Variants in SCARA5 observed in about 807,000 individuals in gnomAD.
SCARA5 encodes scavenger receptor class A, member 5 (putative).
Under a neutral mutation model 46.3 loss-of-function variants are expected in SCARA5, and 45 were observed. The ratio of observed to expected loss-of-function variants is 0.97; its 90% CI spans 0.76 to 1.24. The LOEUF (loss-of-function observed/expected upper bound fraction) is 1.24. SCARA5 is among the 50% of genes most tolerant of loss of function. SCARA5 has a pLI of 0.00. For synonymous variants in SCARA5, 333 were observed against 306.5 expected, an observed-to-expected ratio of 1.09 and a Z score of -0.90; for missense variants, 680 against 689.0, an observed-to-expected ratio of 0.99 and a Z score of 0.15.
intron 3 of SCARA5, 146 bp from the exon 4 acceptor site, chr8:27,922,391 T>C: frequency 3.6e-6 from 2 of 560,704 alleles, no homozygotes; most frequent in Non-Finnish European, 6.0e-6. Flanking sequence ...GCTGAGCGCT[T>C]TACTAGATCC....
rs536688028 is a variant in SCARA5, at chr8:27,909,548, C to A, written c.997+115G>T. 4.0e-5 allele frequency: 27 copies of A among 676,788 alleles called. No individual in the cohort carries two copies. In the South Asian group the frequency reaches 5.3e-4, roughly 13 times the overall value. The allele number at this position is 676,788 out of a possible 1,614,324, so 41.9% of individuals were successfully genotyped here. On this transcript the variant is annotated intron_variant, in intron 5 of 8. Coordinates refer to ENST00000354914, the MANE Select transcript of SCARA5 (RefSeq NM_173833.6). ...TCTTGTTGGAACAGAGCGTTTGAGGCGGAGTTGATTGGGCACTCCCCTGGG... is the reference window on the plus strand; with the variant it reads ...TCTTGTTGGAACAGAGCGTTTGAGGAGGAGTTGATTGGGCACTCCCCTGGG...
chr8:27,893,234 C>G (rs2129712183), intron 7 of SCARA5, among the ~76,000 whole-genome samples: 1 of 152,242 alleles, frequency 6.6e-6, no homozygotes, highest in South Asian at 2.1e-4. Flanking sequence ...ATATTAGGAC[C>G]AGGGCATCCG....
Position 27,922,101 on chromosome 8 carries a change from T to A in SCARA5, c.386A>T (p.Gln129Leu). The A allele has an allele frequency of 6.2e-7, 1 of 1,604,378 alleles. No individual in the cohort carries two copies. The highest frequency in any genetic ancestry group is 1.7e-5 in the Admixed American group (1 of 58,804). Residue 129 changes from glutamine (Q) to leucine (L), a missense_variant, in exon 4 of 9, where the codon CAG becomes CTG. Gln to Leu is a moderately radical substitution (Grantham distance 113). Around this residue, in one of 3 missense-constraint regions of SCARA5, gnomAD observed 438 missense variants for 384.5 expected, o/e 1.14. Transcript: ENST00000354914. ...ADLTEQVWKV[Q>L]DALQNQSDSL... ...GTCTGACTGGTTCTGCAGCGCGTCC[T>A]GCACCTTCCACACCTGCTCCGTCAG...
chr8:27,887,109 G>A (rs1490158651), intron 7 of SCARA5, among the ~76,000 whole-genome samples: 1 of 152,216 alleles, frequency 6.6e-6, no homozygotes, highest in Non-Finnish European at 1.5e-5. Flanking sequence ...GGGCAAGAGA[G>A]CTGGTGATGA....
chr8:27,906,463 G>C lies in SCARA5; in HGVS notation c.1096+685C>G, dbSNP rs149171705. Among the ~76,000 whole-genome samples, 370 of 152,374 alleles carry C rather than the reference G, an allele frequency of 2.4e-3. 4 individuals carry two copies. The highest frequency in any genetic ancestry group is 8.5e-3 in the African/African-American group (353 of 41,596). The stretch of plus-strand genomic sequence containing the variant: ...TTGTAAATCCTGGGGGAATAAAAGA[G>C]TATATAGAAGGTCAGGAGTCTGGCA... On this transcript the variant is annotated intron_variant, in intron 6 of 8. Transcript: ENST00000354914.
At chr8:27,981,512 A>C (rs1808614310) in intron 2 of SCARA5, among the ~76,000 whole-genome samples, 1 of 152,198 alleles carries the variant, frequency 6.6e-6, no homozygotes, top group Admixed American at 6.5e-5. Flanking sequence ...GTCTCCCCTC[A>C]CCCACCTCCT....
chr8:27,873,047 C>A (rs1424194977), intron 8 of SCARA5, among the ~76,000 whole-genome samples: 1 of 152,168 alleles, frequency 6.6e-6, no homozygotes, highest in African/African-American at 2.4e-5. Flanking sequence ...AGGCTAGAAC[C>A]CTGTCAGCTC....
At position 27,879,531 on chromosome 8, in the gene SCARA5, G is replaced by A. The variant is rs999700687; in HGVS notation, c.1351+38C>T. On this transcript the variant is annotated intron_variant, in intron 8 of 8. Coordinates refer to ENST00000354914, the MANE Select transcript of SCARA5 (RefSeq NM_173833.6). ...GTGAGCCCAGTCCTAGGATGTGCAG[G>A]CCCTCTCCTCATGTTTTTTGCCCTC... 4 of 1,584,552 alleles carry A rather than the reference G, an allele frequency of 2.5e-6. No individual in the cohort carries two copies. In the African/African-American group the frequency reaches 4.0e-5, roughly 16 times the overall value.
chr8:27,944,094 C>T (rs1161389155), intron 3 of SCARA5, among the ~76,000 whole-genome samples: 6 of 152,120 alleles, frequency 3.9e-5, no homozygotes, highest in Admixed American at 6.5e-5. Context: ...GGATAGCAAG[C>T]AACTGGCCTG....
intron 3 of SCARA5, among the ~76,000 whole-genome samples, chr8:27,955,896 G>C (rs1347899212): frequency 6.6e-6 from 1 of 152,178 alleles, no homozygotes; most frequent in East Asian, 1.9e-4. Flanking sequence ...TGAACATGGG[G>C]GGCAGGTGAG....
rs771513496 is a variant in SCARA5 at position 27,921,800 on chromosome 8, G to A, written c.687C>T (p.Gly229=). 185 of 1,562,170 alleles carry A rather than the reference G, an allele frequency of 1.2e-4. No individual in the cohort carries two copies. Among genetic ancestry groups the A allele is most frequent in the Admixed American group, 2.4e-4 (13 of 53,472 alleles). Residue 229 remains glycine, a synonymous_variant, in exon 4 of 9, where the codon GGC becomes GGT. Transcript: ENST00000354914. ...CGTCGTAGGACAGGCTGTGGTTGAGGCCGCGCAGCACGCCGCCCACGTCGG... is the reference window on the plus strand; with the variant it reads ...CGTCGTAGGACAGGCTGTGGTTGAGACCGCGCAGCACGCCGCCCACGTCGG... ...ELADVGGVLR[G]LNHSLSYDVA... is the part of the protein sequence containing the mutation.
chr8:27,972,183 G>A (rs964748051), intron 2 of SCARA5, among the ~76,000 whole-genome samples: 2 of 151,926 alleles, frequency 1.3e-5, no homozygotes, highest in Admixed American at 6.6e-5. Context: ...TGGGCATGGC[G>A]GCAGGCACCT....
intron 8 of SCARA5, among the ~76,000 whole-genome samples, chr8:27,877,412 C>A (rs1332814220): frequency 6.6e-6 from 1 of 152,114 alleles, no homozygotes; most frequent in Non-Finnish European, 1.5e-5. Context: ...AGGAACAGAT[C>A]AGGGGAGTGA....
intron 3 of SCARA5, among the ~76,000 whole-genome samples, chr8:27,959,523 G>A (rs577361709): frequency 5.9e-5 from 9 of 152,302 alleles, no homozygotes; most frequent in African/African-American, 9.6e-5. Context: ...GGACTAGGAG[G>A]AGAGCCAGCA....
chr8:27,918,470 T>C (rs1161734586), intron 4 of SCARA5, among the ~76,000 whole-genome samples: 1 of 134,660 alleles, frequency 7.4e-6, no homozygotes, highest in Non-Finnish European at 1.6e-5. Flanking sequence ...TTGGGGGGGG[T>C]TCAGTAGGAT....
intron 8 of SCARA5, among the ~76,000 whole-genome samples, chr8:27,873,471 GCCTTAACTGATGACATTA>G (rs1172168682): frequency 1.3e-5 from 2 of 152,150 alleles, no homozygotes; most frequent in African/African-American, 2.4e-5. Context: ...GCCGGTTCCT[GCCTTAACTGATGACATTA>G]CCTTGTGAAA....
chr8:27,879,809 C>G (rs757502696), intron 7 of SCARA5, 43 bp from the exon 8 acceptor site: 2 of 1,592,528 alleles, frequency 1.3e-6, no homozygotes, highest in East Asian at 2.3e-5. Flanking sequence ...CTAGATACAC[C>G]AGGACCCGCC....
chr8:27,924,811 G>A lies in SCARA5; in HGVS notation c.242-2566C>T, dbSNP rs554823787. ...AACTCTCAGGATACAAAATCAATGC[G>A]CAAAAATCACAAGCATTCCTATACA... On this transcript the variant is annotated intron_variant, in intron 3 of 8. Transcript: ENST00000354914. Among the ~76,000 whole-genome samples, 282 of 152,230 alleles carry A rather than the reference G, an allele frequency of 1.9e-3. 1 individual carries two copies. The highest frequency in any genetic ancestry group is 3.4e-3 in the Non-Finnish European group (229 of 68,006).
intron 7 of SCARA5, chr8:27,903,409 T>C (rs185847147): frequency 2.6e-5 from 4 of 152,354 alleles, no homozygotes; most frequent in East Asian, 1.9e-4. Flanking sequence ...AGTTTCATCA[T>C]ATAGAAATGT....
Sources: allele counts gnomAD v4.1 joint callset (sites outside exome capture counted in the v4.1 genomes callset), GRCh38; gene constraint gnomAD v4.1.1; regional missense constraint gnomAD v4.1.1; transcripts MANE v1.5; gene names NCBI Gene and HGNC (gene_info 2026-07-23, HGNC 2026-07-21).